The following ZFPM2 variants were observed in gnomAD, a reference collection of about 807,000 sequenced individuals.
ZFPM2 encodes the protein zinc finger protein ZFPM2.
A neutral mutation model predicts 98.6 loss-of-function variants in ZFPM2; 20 were observed. The ratio of observed to expected loss-of-function variants is 0.20; its 90% confidence interval spans 0.14 to 0.29. ZFPM2 has a LOEUF of 0.29. ZFPM2 is among the 10% of genes least tolerant of loss of function. The probability of loss-of-function intolerance (pLI) is 1.00; values close to 1 mark genes in which losing one functional copy is unlikely to be tolerated. For missense variants in ZFPM2, 1,310 were observed against 1,388.6 expected, an observed-to-expected ratio of 0.94 and a Z score of 0.90; for synonymous variants, 518 against 502.7, an observed-to-expected ratio of 1.03 and a Z score of -0.41.
chr8:105,380,217 A>G (rs998328271), intron 1 of ZFPM2, among the ~76,000 whole-genome samples: 2 of 152,108 alleles, frequency 1.3e-5, no homozygotes, highest in South Asian at 2.1e-4. Flanking sequence ...AATATTTGCT[A>G]TATTTCTAAC....
chr8:105,386,565 G>C (rs565953730), intron 1 of ZFPM2, among the ~76,000 whole-genome samples: 84 of 152,244 alleles, frequency 5.5e-4, no homozygotes, highest in Non-Finnish European at 1.1e-3. Context: ...TGAAGCTGCA[G>C]ACCTTTTCGG....
chr8:105,332,448 G>C (rs1487566890), intron 1 of ZFPM2, among the ~76,000 whole-genome samples: 1 of 151,656 alleles, frequency 6.6e-6, no homozygotes, highest in Non-Finnish European at 1.5e-5. Context: ...ATAATTTCCT[G>C]TGATATATTT....
At chr8:105,324,025 G>C (rs1447043336) in intron 1 of ZFPM2, among the ~76,000 whole-genome samples, 1 of 151,738 alleles carries the variant, frequency 6.6e-6, no homozygotes, top group African/African-American at 2.4e-5. Flanking sequence ...TGCAGTTAGA[G>C]ACCTTAAGAA....
chr8:105,468,200 A>T (rs1398917875), intron 3 of ZFPM2, among the ~76,000 whole-genome samples: 1 of 151,336 alleles, frequency 6.6e-6, no homozygotes, highest in Non-Finnish European at 1.5e-5. Context: ...GTCACTTGCT[A>T]ATCTTGTGTC....
chr8:105,677,916 AATATCCTATGCAAATAGCCAATGTTGT>A (rs1229733937), intron 5 of ZFPM2, among the ~76,000 whole-genome samples: 1 of 152,212 alleles, frequency 6.6e-6, no homozygotes, highest in East Asian at 1.9e-4. Context: ...ATGGCTCTGT[AATATCCTATGCAAATAGCCAATGTTGT>A]ATATTGGAGC....
At chr8:105,617,932 G>A (rs576834005) in intron 4 of ZFPM2, among the ~76,000 whole-genome samples, 1 of 152,236 alleles carries the variant, frequency 6.6e-6, no homozygotes, top group South Asian at 2.1e-4. Context: ...ACTAGACTAT[G>A]TTCGGTCTTT....
At chr8:105,469,219 T>C (rs1180937000) in intron 3 of ZFPM2, among the ~76,000 whole-genome samples, 1 of 152,240 alleles carries the variant, frequency 6.6e-6, no homozygotes, top group Admixed American at 6.5e-5. Context: ...TTAATGTTGC[T>C]TTTAATTTTC....
At chr8:105,590,114 C>G (rs1815810702) in intron 4 of ZFPM2, among the ~76,000 whole-genome samples, 1 of 152,312 alleles carries the variant, frequency 6.6e-6, no homozygotes, top group East Asian at 1.9e-4. Flanking sequence ...CTCTCCTTCA[C>G]CTTTATTATT....
chr8:105,618,702 A>G (rs1050729724), intron 4 of ZFPM2, among the ~76,000 whole-genome samples: 8 of 152,138 alleles, frequency 5.3e-5, no homozygotes, highest in Non-Finnish European at 8.8e-5. Context: ...TGCGTTTATT[A>G]TATTTTATTT....
chr8:105,775,218 G>A (rs1290907414), intron 5 of ZFPM2, among the ~76,000 whole-genome samples: 1 of 152,080 alleles, frequency 6.6e-6, no homozygotes, highest in African/African-American at 2.4e-5. Flanking sequence ...GAAGTGGAAG[G>A]AGAAAGAAAG....
intron 1 of ZFPM2, among the ~76,000 whole-genome samples, chr8:105,354,712 A>T (rs1341131139): frequency 6.6e-6 from 1 of 152,174 alleles, no homozygotes; most frequent in African/African-American, 2.4e-5. Flanking sequence ...TGAACATTGT[A>T]TGTAGTAGGA....
At chr8:105,778,867 GA>G (rs1399420282) in intron 5 of ZFPM2, among the ~76,000 whole-genome samples, 8 of 149,684 alleles carry the variant, frequency 5.3e-5, no homozygotes, top group African/African-American at 2.0e-4. Flanking sequence ...AAATAATCTT[GA>G]GAGCCTGATT....
In ZFPM2 at chr8:105,803,295, C is replaced by T. The variant is rs752938527; in HGVS notation, c.3213C>T (p.Asp1071=). ...ENISQNPQHE[D]DHKSPSWISE... ...TTTCCCAGAATCCTCAGCACGAAGA[C>T]GACCACAAATCTCCCTCGTGGATCT... Residue 1071 remains aspartate (D), a synonymous_variant, in exon 8 of 8, where the codon GAC becomes GAT. Transcript: ENST00000407775. The T allele has an allele frequency of 3.1e-6, 5 of 1,594,236 alleles. No homozygotes were observed. Among genetic ancestry groups the T allele is most frequent in the South Asian group, 2.3e-5 (2 of 87,514 alleles).
At chr8:105,452,077 G>A (rs570296740) in intron 3 of ZFPM2, among the ~76,000 whole-genome samples, 1 of 152,180 alleles carries the variant, frequency 6.6e-6, no homozygotes, top group Non-Finnish European at 1.5e-5. Context: ...CTTTGCAAAA[G>A]CTTTTACATC....
At chr8:105,720,155 A>G (rs920843690) in intron 5 of ZFPM2, among the ~76,000 whole-genome samples, 2 of 151,892 alleles carry the variant, frequency 1.3e-5, no homozygotes, top group Non-Finnish European at 2.9e-5. Flanking sequence ...ACTAACCAGC[A>G]TTCTTCTAGG....
intron 3 of ZFPM2, among the ~76,000 whole-genome samples, chr8:105,559,127 A>G (rs1795377182): frequency 6.6e-6 from 1 of 152,140 alleles, no homozygotes; most frequent in Non-Finnish European, 1.5e-5. Flanking sequence ...TGTCATTCCA[A>G]TGCATTAATC....
At chr8:105,335,859 G>A (rs1420249061) in intron 1 of ZFPM2, among the ~76,000 whole-genome samples, 1 of 151,804 alleles carries the variant, frequency 6.6e-6, no homozygotes, top group Non-Finnish European at 1.5e-5. Context: ...GCTACGTGCA[G>A]CGTATTCTGA....
chr8:105,509,458 C>T (rs1312767605), intron 3 of ZFPM2, among the ~76,000 whole-genome samples: 1 of 152,068 alleles, frequency 6.6e-6, no homozygotes, highest in Non-Finnish European at 1.5e-5. Flanking sequence ...CGATATGGTG[C>T]CAGGGGGAAT....
intron 3 of ZFPM2, among the ~76,000 whole-genome samples, chr8:105,537,451 G>C (rs2130613803): frequency 6.6e-6 from 1 of 152,264 alleles, no homozygotes; most frequent in Non-Finnish European, 1.5e-5. Flanking sequence ...TGAGGTGAAA[G>C]GACGGCTTGA....
Sources: gnomAD v4.1 joint callset for allele counts (sites outside exome capture counted in the v4.1 genomes callset) on GRCh38, gnomAD v4.1.1 for gene constraint, MANE v1.5 for transcripts, NCBI Gene and HGNC (gene_info 2026-07-23, HGNC 2026-07-21) for gene names.